The following TCF7L1 variants were observed in gnomAD, a reference collection of about 807,000 sequenced individuals.
TCF7L1 encodes transcription factor 7 like 1, also known as transcription factor 7-like 1.
A neutral mutation model predicts 63.7 loss-of-function variants in TCF7L1; 18 were observed. The observed-to-expected ratio is 0.28, with a 90% CI of 0.20 to 0.42. The LOEUF (loss-of-function observed/expected upper bound fraction) is 0.42. Ranked by LOEUF, TCF7L1 falls within the 10% of genes least tolerant of loss-of-function variation. The probability of loss-of-function intolerance (pLI) is 1.00; values close to 1 mark genes in which losing one functional copy is unlikely to be tolerated. For synonymous variants in TCF7L1, 355 were observed against 340.9 expected (o/e 1.04, Z -0.46); for missense variants, 654 against 779.3 (o/e 0.84, Z 1.91).
chr2:85,218,236 TTTTA>T lies in TCF7L1; in HGVS notation c.442-65227_442-65224del, dbSNP rs139892042. Among the ~76,000 whole-genome samples, 160 of 149,336 alleles carry T rather than the reference TTTTA, an allele frequency of 1.1e-3. 1 individual carries two copies. Among genetic ancestry groups the T allele is most frequent in the African/African-American group, 1.4e-3 (55 of 40,114 alleles). On this transcript the variant is annotated intron_variant, in intron 3 of 11. Coordinates refer to ENST00000282111, the MANE Select transcript of TCF7L1 (RefSeq NM_031283.3). ...TCCCACACTTTTCTAACTTTACTTA[TTTTA>T]TTTATTTATTTATTTATTTATTTAT...
At chr2:85,294,257 C>T (rs1483228809) in intron 4 of TCF7L1, among the ~76,000 whole-genome samples, 4 of 151,992 alleles carry the variant, frequency 2.6e-5, no homozygotes, top group South Asian at 2.1e-4. Context: ...AGGACAGTCT[C>T]GATCTCCTGA....
At chr2:85,196,940 C>T (rs1182703228) in intron 3 of TCF7L1, among the ~76,000 whole-genome samples, 2 of 152,106 alleles carry the variant, frequency 1.3e-5, no homozygotes, top group African/African-American at 2.4e-5. Flanking sequence ...TCTTCCTCAG[C>T]CCCCGGCACT....
At chr2:85,176,555 G>GGTAA (rs1678680957) in intron 3 of TCF7L1, among the ~76,000 whole-genome samples, 1 of 152,124 alleles carries the variant, frequency 6.6e-6, no homozygotes, top group Admixed American at 6.5e-5. Flanking sequence ...GGTGTCTCCA[G>GGTAA]GTAAGTAGTT....
chr2:85,304,133 G>C (rs1376389680), intron 6 of TCF7L1, 122 bp from the exon 7 acceptor site: 1 of 1,242,860 alleles, frequency 8.0e-7, no homozygotes, highest in Non-Finnish European at 1.2e-6. Context: ...CGCCCAGGCA[G>C]CGTGCTCCCA....
chr2:85,245,700 A>G (rs1164565230), intron 3 of TCF7L1, among the ~76,000 whole-genome samples: 1 of 152,056 alleles, frequency 6.6e-6, no homozygotes, highest in African/African-American at 2.4e-5. Flanking sequence ...TTGTAGTCCC[A>G]GCTACTCGGG....
At position 85,152,435 on chromosome 2, in the gene TCF7L1, C is replaced by CTTTTT. The variant is rs67994195; in HGVS notation, c.441+17986_441+17987insTTTTT. Among the ~76,000 whole-genome samples the CTTTTT allele has an allele frequency of 1.3e-4, 17 of 131,332 alleles. 1 individual carries two copies. The highest frequency in any genetic ancestry group is 4.5e-4 in the East Asian group (2 of 4,470). 86.2% of individuals were successfully genotyped at this position (131,332 alleles called of 152,430 possible). The stretch of plus-strand genomic sequence containing the variant: ...TAAAAGGATATACCATTCTCTCTCT[C>CTTTTT]TCTTTTTTTTTTTTTTTGAGACAGA... On this transcript the variant is annotated intron_variant, in intron 3 of 11. Transcript: ENST00000282111.
At chr2:85,159,985 G>A (rs751871363) in intron 3 of TCF7L1, among the ~76,000 whole-genome samples, 4 of 152,146 alleles carry the variant, frequency 2.6e-5, no homozygotes, top group Non-Finnish European at 5.9e-5. Flanking sequence ...ACTGTCACAT[G>A]GTGGGGGAGT....
intron 3 of TCF7L1, among the ~76,000 whole-genome samples, chr2:85,213,082 G>A (rs1281350542): frequency 6.8e-6 from 1 of 148,148 alleles, no homozygotes; most frequent in African/African-American, 2.5e-5. Flanking sequence ...CCCAAGGGAG[G>A]CCCAGAAAAC....
chr2:85,297,551 C>A (rs556158238), intron 4 of TCF7L1, among the ~76,000 whole-genome samples: 1 of 152,218 alleles, frequency 6.6e-6, no homozygotes, highest in African/African-American at 2.4e-5. Flanking sequence ...TCAGGCCAGG[C>A]GCAGTGCCTC....
chr2:85,195,413 G>A (rs141656730), intron 3 of TCF7L1, among the ~76,000 whole-genome samples: 128 of 152,328 alleles, frequency 8.4e-4, no homozygotes, highest in African/African-American at 2.9e-3. Flanking sequence ...TTGTGCCACT[G>A]CACTTCATGC....
At position 85,173,166 on chromosome 2, in the gene TCF7L1, C is replaced by T. The variant is rs577454616; in HGVS notation, c.441+38716C>T. Among the ~76,000 whole-genome samples the T allele has an allele frequency of 2.6e-5, 4 of 152,324 alleles. No individual in the cohort carries two copies. The East Asian group carries it at 7.7e-4, about 29-fold the overall frequency. On this transcript the variant is annotated intron_variant, in intron 3 of 11. Coordinates refer to ENST00000282111, the MANE Select transcript of TCF7L1 (RefSeq NM_031283.3). ...CCTTTCAAAAGGAAAATGAAGATAA[C>T]AAGCTTGTCTTCTCCCCATCTTTTC...
chr2:85,308,364 TCTTC>T (rs1240505156), intron 11 of TCF7L1, among the ~76,000 whole-genome samples: 8 of 144,428 alleles, frequency 5.5e-5, no homozygotes, highest in South Asian at 2.2e-4. Context: ...TCCCTCCCTT[TCTTC>T]CTCCCTCCCT....
chr2:85,185,464 G>A (rs150535138), intron 3 of TCF7L1, among the ~76,000 whole-genome samples: 33 of 152,228 alleles, frequency 2.2e-4, no homozygotes, highest in East Asian at 1.2e-3. Context: ...GCACAGAGAA[G>A]AGAGAGGTTA....
At chr2:85,234,127 T>C (rs1415651300) in intron 3 of TCF7L1, among the ~76,000 whole-genome samples, 1 of 145,610 alleles carries the variant, frequency 6.9e-6, no homozygotes, top group African/African-American at 2.6e-5. Flanking sequence ...TTCTTTTTTC[T>C]TTTCTTTTTT....
chr2:85,297,910 C>A (rs768331471), intron 4 of TCF7L1, among the ~76,000 whole-genome samples: 1 of 151,894 alleles, frequency 6.6e-6, no homozygotes, highest in African/African-American at 2.4e-5. Flanking sequence ...AGCATTTTAA[C>A]ACTGTATTAA....
intron 3 of TCF7L1, among the ~76,000 whole-genome samples, chr2:85,173,265 C>T (rs1188538069): frequency 6.6e-6 from 1 of 151,866 alleles, no homozygotes; most frequent in Non-Finnish European, 1.5e-5. Flanking sequence ...GGCACAAGCA[C>T]AGACCTGCCC....
chr2:85,250,240 T>C (rs1680558057), intron 3 of TCF7L1, among the ~76,000 whole-genome samples: 1 of 152,112 alleles, frequency 6.6e-6, no homozygotes, highest in Admixed American at 6.5e-5. Context: ...CACTGAACAC[T>C]GAGTTTGAAG....
At chr2:85,188,741 A>G (rs1031043950) in intron 3 of TCF7L1, among the ~76,000 whole-genome samples, 12 of 152,220 alleles carry the variant, frequency 7.9e-5, no homozygotes, top group Non-Finnish European at 2.9e-5. Flanking sequence ...AACAAAAGCA[A>G]TAATTATGCC....
rs75551834 is a variant in TCF7L1 at position 85,236,173 on chromosome 2, C to A, written c.442-47322C>A. ...GTCTCAAACCACGCCATCCCCCCCC[C>A]AAAAAAAACCCAACCTTGAGACTCA... On this transcript the variant is annotated intron_variant, in intron 3 of 11. Coordinates refer to ENST00000282111, the MANE Select transcript of TCF7L1 (RefSeq NM_031283.3). Among the ~76,000 whole-genome samples the A allele has an allele frequency of 1.9e-3, 267 of 142,534 alleles. 2 individuals carry two copies. Among genetic ancestry groups the A allele is most frequent in the African/African-American group, 5.9e-3 (233 of 39,814 alleles). 93.5% of individuals were successfully genotyped at this position (142,534 alleles called of 152,430 possible). A position where few individuals can be genotyped will look rare whatever the true frequency, so the allele number is the denominator to read the frequency against.
Sources: allele counts gnomAD v4.1 joint callset (sites outside exome capture counted in the v4.1 genomes callset), GRCh38; gene constraint gnomAD v4.1.1; transcripts MANE v1.5; gene names NCBI Gene and HGNC (gene_info 2026-07-23, HGNC 2026-07-21).